The following YKT6 variants were observed in gnomAD, a reference collection of about 807,000 sequenced individuals.
The protein encoded by YKT6 is synaptobrevin homolog YKT6.
Under a neutral mutation model 29.3 loss-of-function variants are expected in YKT6, and 12 were observed. That is an observed-to-expected ratio of 0.41 (90% confidence interval 0.26 to 0.66). The LOEUF (loss-of-function observed/expected upper bound fraction) is 0.66, where lower values mean the gene tolerates loss of function less well. Ranked by LOEUF, YKT6 falls within the 30% of genes least tolerant of loss-of-function variation. The probability of loss-of-function intolerance (pLI) is 0.32; values close to 1 mark genes in which losing one functional copy is unlikely to be tolerated. For missense variants in YKT6, 188 were observed against 243.8 expected, an observed-to-expected ratio of 0.77 and a Z score of 1.52; for synonymous variants, 86 against 94.3, an observed-to-expected ratio of 0.91 and a Z score of 0.51.
intron 5 of YKT6, among the ~76,000 whole-genome samples, chr7:44,210,028 G>T (rs1406150376): frequency 6.6e-6 from 1 of 152,162 alleles, no homozygotes; most frequent in Non-Finnish European, 1.5e-5. Context: ...TTTACTTAAC[G>T]CAGTATATCC....
At position 44,201,199 on chromosome 7, in the gene YKT6, G is replaced by T. The variant is rs774022853; in HGVS notation, c.64G>T (p.Ala22Ser). 2.5e-6 allele frequency: 4 copies of T among 1,612,862 alleles called. No homozygotes were observed. The highest frequency in any genetic ancestry group is 2.2e-5 in the East Asian group (1 of 44,800). The change falls in exon 1 of 7, where the codon GCA becomes TCA. Residue 22 changes from alanine (A) to serine (S), a missense_variant. Ala to Ser is a moderately conservative substitution (Grantham distance 99). Around this residue, in one of 3 missense-constraint regions of YKT6, gnomAD observed 71 missense variants for 67.3 expected, o/e 1.05. Coordinates refer to ENST00000223369, the MANE Select transcript of YKT6 (RefSeq NM_006555.4). ...GEAKVVLLKA[A>S]YDVSSFSFFQ... ...GGCCAAGGTGGTGCTGCTCAAAGCCGCATACGATGTGTCTTCCTTCAGCTT... is the reference window on the plus strand; with the variant it reads ...GGCCAAGGTGGTGCTGCTCAAAGCCTCATACGATGTGTCTTCCTTCAGCTT...
At chr7:44,204,126 T>C (rs534328841) in intron 1 of YKT6, among the ~76,000 whole-genome samples, 2 of 152,362 alleles carry the variant, frequency 1.3e-5, no homozygotes, top group East Asian at 1.9e-4. Flanking sequence ...GGGTCTGTCA[T>C]GTGGACACAG....
chr7:44,203,082 A>G (rs980630460), intron 1 of YKT6, among the ~76,000 whole-genome samples: 1 of 152,166 alleles, frequency 6.6e-6, no homozygotes, highest in African/African-American at 2.4e-5. Flanking sequence ...CACATGTCCC[A>G]GCTGATTTAT....
At chr7:44,209,694 T>C (rs535864942) in intron 5 of YKT6, among the ~76,000 whole-genome samples, 1 of 152,236 alleles carries the variant, frequency 6.6e-6, no homozygotes, top group African/African-American at 2.4e-5. Context: ...TCTATGGCGC[T>C]TCATGTGTGC....
chr7:44,212,216 C>T (rs1289921421), intron 6 of YKT6, 31 bp from the exon 7 acceptor site: 11 of 1,614,014 alleles, frequency 6.8e-6, no homozygotes, highest in East Asian at 2.2e-5. Flanking sequence ...CGTCAGTCCT[C>T]CTTCTCAGCT....
chr7:44,210,196 G>C (rs2096345101), intron 5 of YKT6, among the ~76,000 whole-genome samples: 1 of 152,130 alleles, frequency 6.6e-6, no homozygotes, highest in Admixed American at 6.5e-5. Context: ...GTGCTCAATA[G>C]CCATTTCCCA....
intron 5 of YKT6, chr7:44,210,702 A>G: frequency 1.2e-5 from 5 of 403,756 alleles, no homozygotes; most frequent in South Asian, 9.3e-5. Flanking sequence ...ACACACACAA[A>G]TGTATATATA....
At position 44,214,253 on chromosome 7, in the gene YKT6, T is replaced by C. The variant is rs543479190; in HGVS notation, c.*1971T>C. ...TGCTGCCTAACTTCCCTGTGTTCTA[T>C]TTGAGAGGCGCCTGTCTGGATAAAG... On this transcript the variant is annotated 3_prime_UTR_variant, in exon 7 of 7. Coordinates refer to ENST00000223369, the MANE Select transcript of YKT6 (RefSeq NM_006555.4). The C allele has an allele frequency of 2.6e-5, 4 of 152,370 alleles. No homozygotes were observed. Among genetic ancestry groups the C allele is most frequent in the African/African-American group, 9.6e-5 (4 of 41,572 alleles). The allele number at this position is 152,370 out of a possible 1,614,324, so 9.4% of individuals were successfully genotyped here.
At position 44,201,134 on chromosome 7, in the gene YKT6, C is replaced by G. The variant is rs151099981; in HGVS notation, c.-2C>G. On this transcript the variant is annotated 5_prime_UTR_variant, in exon 1 of 7. Coordinates refer to ENST00000223369, the MANE Select transcript of YKT6 (RefSeq NM_006555.4). The stretch of plus-strand genomic sequence containing the variant: ...AGGCGGGCGGCCTGAGGGCGCGGAG[C>G]CATGAAGCTGTACAGCCTCAGCGTC... 6.3e-7 allele frequency: 1 copy of G among 1,584,782 alleles called. No homozygotes were observed. The highest frequency in any genetic ancestry group is 1.4e-5 in the African/African-American group (1 of 72,152).
rs2096343379 is a variant in YKT6, at chr7:44,208,545, G to A, written c.459+347G>A. On this transcript the variant is annotated intron_variant, in intron 5 of 6. Coordinates refer to ENST00000223369, the MANE Select transcript of YKT6 (RefSeq NM_006555.4). ...CCTGGTGCCTTTGTTAGGGTTTCGG[G>A]TGCCTCCACACCCCACAGGTGCCTC... 3 of 307,878 alleles carry A rather than the reference G, an allele frequency of 9.7e-6. No homozygotes were observed. The Admixed American group carries it at 1.3e-4, about 14-fold the overall frequency. The allele number at this position is 307,878 out of a possible 1,614,324, so 19.1% of individuals were successfully genotyped here. A position where few individuals can be genotyped will look rare whatever the true frequency, so the allele number is the denominator to read the frequency against.
chr7:44,209,078 C>T (rs1051101226), intron 5 of YKT6, among the ~76,000 whole-genome samples: 4 of 152,192 alleles, frequency 2.6e-5, no homozygotes, highest in African/African-American at 7.2e-5. Flanking sequence ...CCCTGACCAG[C>T]GTATGAGCAC....
intron 5 of YKT6, 54 bp from the exon 6 acceptor site, chr7:44,210,969 T>G: frequency 6.3e-7 from 1 of 1,588,206 alleles, no homozygotes; most frequent in East Asian, 2.2e-5. Flanking sequence ...TATGAGGGGC[T>G]CATGTCAGGG....
In YKT6 at chr7:44,213,651, T is replaced by A. The variant is rs2096349209; in HGVS notation, c.*1369T>A. 6.6e-6 allele frequency: 1 copy of A among 152,254 alleles called. No individual in the cohort carries two copies. The highest frequency in any genetic ancestry group is 2.1e-4 in the South Asian group (1 of 4,812). The allele number at this position is 152,254 out of a possible 1,614,324, so 9.4% of individuals were successfully genotyped here. On this transcript the variant is annotated 3_prime_UTR_variant, in exon 7 of 7. Transcript: ENST00000223369. ...TGGGTTTTGAACCAGTGTGGTATGG[T>A]CCTTGGGAGCTCTGCTCTGAGCTTG...
rs780133803 is a variant in YKT6 at position 44,208,172 on chromosome 7, G to A, written c.433G>A (p.Glu145Lys). The A allele has an allele frequency of 5.6e-6, 9 of 1,613,918 alleles. No homozygotes were observed. Among genetic ancestry groups the A allele is most frequent in the East Asian group, 2.2e-5 (1 of 44,898 alleles). The change falls in exon 5 of 7, where the codon GAA (glutamate) becomes AAA (lysine). Residue 145 changes from glutamate to lysine, a missense_variant. Coordinates refer to ENST00000223369, the MANE Select transcript of YKT6 (RefSeq NM_006555.4). ...TGATCCCATGACTAAAGTGCAGGCC[G>A]AACTAGATGAGACCAAAATCATTCT... ...EADPMTKVQA[E>K]LDETKIILHN... is the part of the protein sequence containing the mutation.
chr7:44,212,059 G>A (rs762329884), intron 6 of YKT6, among the ~76,000 whole-genome samples, 188 bp from the exon 7 acceptor site: 36 of 152,174 alleles, frequency 2.4e-4, no homozygotes, highest in African/African-American at 4.8e-4. Context: ...GCCGGGGCCC[G>A]CCTTGTGCTT....
At chr7:44,208,237 CG>C (rs1357568647) in intron 5 of YKT6, 39 bp downstream of exon 5, 1 of 1,607,844 alleles carries the variant, frequency 6.2e-7, no homozygotes, top group South Asian at 1.1e-5. Flanking sequence ...AGAACTGAGG[CG>C]GGGGTGCGAT....
At chr7:44,211,177 C>T (rs1000422828) in intron 6 of YKT6, 53 bp downstream of exon 6, 2 of 1,503,832 alleles carry the variant, frequency 1.3e-6, no homozygotes, top group Non-Finnish European at 1.8e-6. Flanking sequence ...AGAGCAGTCG[C>T]AGCTTGCTGC....
intron 5 of YKT6, 72 bp from the exon 6 acceptor site, chr7:44,210,951 G>T: frequency 6.6e-7 from 1 of 1,525,564 alleles, no homozygotes; most frequent in South Asian, 1.1e-5. Context: ...TTTCCCCCAT[G>T]ACTGAAATAT....
At chr7:44,204,534 G>A (rs1340571474) in intron 1 of YKT6, 34 bp from the exon 2 acceptor site, 8 of 1,609,178 alleles carry the variant, frequency 5.0e-6, no homozygotes, top group Admixed American at 1.7e-5. Flanking sequence ...AAGGTGATAA[G>A]AAGTAGGCAA....
Sources: allele counts gnomAD v4.1 joint callset (sites outside exome capture counted in the v4.1 genomes callset), GRCh38; gene constraint gnomAD v4.1.1; regional missense constraint gnomAD v4.1.1; transcripts MANE v1.5; gene names NCBI Gene and HGNC (gene_info 2026-07-23, HGNC 2026-07-21).